CELF2: variants seen among roughly 807,000 people sequenced by gnomAD.
The protein encoded by CELF2 is CUG triplet repeat RNA-binding protein 2.
Under a neutral mutation model 62.6 loss-of-function variants are expected in CELF2, and 8 were observed. The ratio of observed to expected loss-of-function variants is 0.13; its 90% CI spans 0.07 to 0.23. CELF2 has a LOEUF of 0.23. CELF2 is among the 10% of genes least tolerant of loss of function. CELF2 has a pLI of 1.00. For missense variants in CELF2, 333 were observed against 671.0 expected (o/e 0.50, Z 5.56); for synonymous variants, 258 against 250.0 (o/e 1.03, Z -0.30).
chr10:10,762,829 C>G, the CELF2 span, among the ~76,000 whole-genome samples: 1 of 152,122 alleles, frequency 6.6e-6, no homozygotes, highest in Non-Finnish European at 1.5e-5. Flanking sequence ...ACCACTTGAG[C>G]CCAGGAGTTT....
chr10:11,093,776 C>T (rs772730231), intron 1 of CELF2, among the ~76,000 whole-genome samples: 1 of 152,170 alleles, frequency 6.6e-6, no homozygotes, highest in African/African-American at 2.4e-5. Flanking sequence ...GTAATCTCAG[C>T]TTACCACTTA....
the CELF2 span, among the ~76,000 whole-genome samples, chr10:10,492,357 T>A: frequency 6.6e-6 from 1 of 152,170 alleles, no homozygotes; most frequent in Admixed American, 6.5e-5. Context: ...ATATACCTAA[T>A]GTAAATGATG....
At chr10:10,726,489 A>T in the CELF2 span, among the ~76,000 whole-genome samples, 1 of 152,152 alleles carries the variant, frequency 6.6e-6, no homozygotes, top group Non-Finnish European at 1.5e-5. Context: ...CATATCGTTC[A>T]TCGAGTCCCA....
At chr10:10,488,498 A>G in the CELF2 span, among the ~76,000 whole-genome samples, 1 of 152,178 alleles carries the variant, frequency 6.6e-6, no homozygotes, top group Non-Finnish European at 1.5e-5. Flanking sequence ...ATCTTTATTC[A>G]GTATTAGCTA....
At chr10:10,831,799 C>A (rs1048145147) in intron 1 of CELF2, among the ~76,000 whole-genome samples, 1 of 152,162 alleles carries the variant, frequency 6.6e-6, no homozygotes, top group African/African-American at 2.4e-5. Flanking sequence ...TGGTGAAACC[C>A]TGTCTCTACT....
In CELF2 at chr10:11,115,196, A is replaced by G. The variant is rs369940731; in HGVS notation, c.75-50290A>G. The stretch of plus-strand genomic sequence containing the variant: ...TAGTGAGATGTACACATCTACACAA[A>G]TTGATTTTTTCAACTTCGTTTGATT... On this transcript the variant is annotated intron_variant, in intron 1 of 12. Transcript: ENST00000633077. Among the ~76,000 whole-genome samples the G allele has an allele frequency of 2.7e-3, 404 of 152,366 alleles. 3 individuals carry two copies. The highest frequency in any genetic ancestry group is 9.4e-3 in the African/African-American group (389 of 41,588).
intron 1 of CELF2, among the ~76,000 whole-genome samples, chr10:11,063,315 G>A (rs2067271182): frequency 6.6e-6 from 1 of 152,202 alleles, no homozygotes; most frequent in Non-Finnish European, 1.5e-5. Context: ...TTTGATATCT[G>A]AAGTGATTTG....
intron 1 of CELF2, among the ~76,000 whole-genome samples, chr10:11,083,585 C>T (rs2074613968): frequency 6.6e-6 from 1 of 152,152 alleles, no homozygotes; most frequent in African/African-American, 2.4e-5. Context: ...TCAGTTCAGC[C>T]CTCTGCTTTG....
intron 1 of CELF2, among the ~76,000 whole-genome samples, chr10:11,139,816 CCTA>C (rs2061016486): frequency 6.6e-6 from 1 of 151,964 alleles, no homozygotes; most frequent in Non-Finnish European, 1.5e-5. Context: ...TTCCCAGTAC[CCTA>C]AAGTAGACCA....
chr10:10,481,069 TAA>T, the CELF2 span, among the ~76,000 whole-genome samples: 1 of 151,896 alleles, frequency 6.6e-6, no homozygotes, highest in African/African-American at 2.4e-5. Context: ...ATTTCAGGGG[TAA>T]AAAAAGATCT....
chr10:11,181,122 G>C (rs918987317), intron 2 of CELF2, among the ~76,000 whole-genome samples: 17 of 152,152 alleles, frequency 1.1e-4, no homozygotes, highest in African/African-American at 4.1e-4. Context: ...AGCCCGCCTT[G>C]GCCTCCCAAA....
intron 2 of CELF2, among the ~76,000 whole-genome samples, chr10:10,988,586 G>A (rs144398131): frequency 4.6e-4 from 70 of 151,990 alleles, no homozygotes; most frequent in East Asian, 3.3e-3. Flanking sequence ...GATAATGAGT[G>A]CACTCAAATC....
At chr10:10,706,353 G>A in the CELF2 span, among the ~76,000 whole-genome samples, 1 of 152,308 alleles carries the variant, frequency 6.6e-6, no homozygotes, top group East Asian at 1.9e-4. Context: ...GAATAAATGA[G>A]TGAATGGACA....
At position 11,217,771 on chromosome 10, in the gene CELF2, G is replaced by A. The variant is rs1396595140; in HGVS notation, c.354+264G>A. Among the ~76,000 whole-genome samples the A allele has an allele frequency of 6.6e-6, 1 of 152,078 alleles. No individual in the cohort carries two copies. Among genetic ancestry groups the A allele is most frequent in the Non-Finnish European group, 1.5e-5 (1 of 68,022 alleles). On this transcript the variant is annotated intron_variant, in intron 3 of 12. Transcript: ENST00000633077. The surrounding 1 kb of genome is among the most constrained non-coding windows in gnomAD (Gnocchi z 5.6). Reference sequence around the variant, plus strand: ...GTGACCCCACTGGGCAGCCACGGCTGCCAAAGAGTATTGGGTGGGCTAAGA... The same window carrying A: ...GTGACCCCACTGGGCAGCCACGGCTACCAAAGAGTATTGGGTGGGCTAAGA...
intron 1 of CELF2, among the ~76,000 whole-genome samples, chr10:10,898,780 T>C (rs1312959821): frequency 6.6e-6 from 1 of 152,182 alleles, no homozygotes; most frequent in Non-Finnish European, 1.5e-5. Flanking sequence ...TTGACATTTA[T>C]AAAGCATCAT....
At chr10:10,716,240 C>T in the CELF2 span, among the ~76,000 whole-genome samples, 1 of 152,196 alleles carries the variant, frequency 6.6e-6, no homozygotes, top group Admixed American at 6.5e-5. Context: ...ATAATAAGTA[C>T]TTACTGTTTG....
the CELF2 span, among the ~76,000 whole-genome samples, chr10:10,588,806 A>G: frequency 5.9e-5 from 9 of 152,244 alleles, no homozygotes; most frequent in South Asian, 1.0e-3. Context: ...GGAGCACTCC[A>G]TTCGGAAACA....
At chr10:11,179,430 A>C (rs1352415447) in intron 2 of CELF2, among the ~76,000 whole-genome samples, 3 of 152,188 alleles carry the variant, frequency 2.0e-5, no homozygotes, top group Non-Finnish European at 2.9e-5. Flanking sequence ...TGTGTCTCTG[A>C]AATTTGCGTG....
At chr10:10,579,958 C>T in the CELF2 span, among the ~76,000 whole-genome samples, 2 of 152,098 alleles carry the variant, frequency 1.3e-5, no homozygotes, top group East Asian at 3.9e-4. Flanking sequence ...ATTTGACTTA[C>T]AGGAACCGAT....
Sources: gnomAD v4.1 joint callset for allele counts (sites outside exome capture counted in the v4.1 genomes callset) on GRCh38, gnomAD v4.1.1 for gene constraint, Gnocchi (gnomAD v3.1) non-coding constraint, MANE v1.5 for transcripts, NCBI Gene and HGNC (gene_info 2026-07-23, HGNC 2026-07-21) for gene names.